CD300E: variants seen among roughly 807,000 people sequenced by gnomAD.
CD300E encodes CD300e molecule.
A neutral mutation model predicts 20.9 loss-of-function variants in CD300E; 14 were observed. The ratio of observed to expected loss-of-function variants is 0.67; its 90% CI spans 0.44 to 1.05. The LOEUF (loss-of-function observed/expected upper bound fraction) is 1.05. CD300E is among the 50% of genes least tolerant of loss of function. The probability of loss-of-function intolerance (pLI) is 0.00; values close to 1 mark genes in which losing one functional copy is unlikely to be tolerated. For synonymous variants in CD300E, 102 were observed against 103.7 expected (o/e 0.98, Z 0.10); for missense variants, 237 against 253.9 (o/e 0.93, Z 0.45).
Position 74,617,115 on chromosome 17 carries a change from T to TA in CD300E, c.388+2dup. The TA allele has an allele frequency of 1.2e-6, 2 of 1,613,008 alleles. No individual in the cohort carries two copies. Among genetic ancestry groups the TA allele is most frequent in the Non-Finnish European group, 1.7e-6 (2 of 1,178,988 alleles). On this transcript the variant is annotated splice_region_variant and intron_variant, in intron 2 of 3. Transcript: ENST00000392619. ...CTGCTGCCAAAGTGAGGGGAGCTCT[T>TA]ACCTGGGGAAACATACACCCTAACC...
chr17:74,609,916 G>A lies in CD300E; in HGVS notation c.*2737C>T, dbSNP rs1414868687. The A allele has an allele frequency of 6.6e-6, 1 of 151,972 alleles. No individual in the cohort carries two copies. Among genetic ancestry groups the A allele is most frequent in the Non-Finnish European group, 1.5e-5 (1 of 67,996 alleles). The allele number at this position is 151,972 out of a possible 1,614,324, so 9.4% of individuals were successfully genotyped here. On this transcript the variant is annotated 3_prime_UTR_variant, in exon 4 of 4. Transcript: ENST00000392619. ...CAATAAAAGTTTATTGAATGAATGA[G>A]TAAATAAAGGGAAAAAAGAAAGGAA...
At chr17:74,613,649 AGGAAGGAGTGG>A (rs1421882072) in intron 3 of CD300E, among the ~76,000 whole-genome samples, 1 of 152,240 alleles carries the variant, frequency 6.6e-6, no homozygotes, top group African/African-American at 2.4e-5. Context: ...GGAAGGAGAC[AGGAAGGAGTGG>A]GGAAGGGAGG....
At chr17:74,622,488 C>T (rs2143375143) in intron 1 of CD300E, among the ~76,000 whole-genome samples, 1 of 152,222 alleles carries the variant, frequency 6.6e-6, no homozygotes, top group African/African-American at 2.4e-5. Context: ...CTTGTCATTA[C>T]ATTGGGCAAT....
At chr17:74,616,688 T>C (rs2030908321) in intron 2 of CD300E, among the ~76,000 whole-genome samples, 1 of 151,540 alleles carries the variant, frequency 6.6e-6, no homozygotes, top group Non-Finnish European at 1.5e-5. Context: ...AGAGAAAGAG[T>C]AGCTTCCACT....
intron 1 of CD300E, among the ~76,000 whole-genome samples, chr17:74,620,462 T>A (rs1000705097): frequency 9.2e-5 from 14 of 151,822 alleles, no homozygotes; most frequent in African/African-American, 3.1e-4. Context: ...AGAGAGAGAC[T>A]CCATTTAAAA....
chr17:74,620,665 T>C (rs1354006059), intron 1 of CD300E, among the ~76,000 whole-genome samples: 1 of 149,426 alleles, frequency 6.7e-6, no homozygotes, highest in African/African-American at 2.5e-5. Flanking sequence ...AAGTCACTTG[T>C]AAAGACTTAT....
At chr17:74,613,871 C>T (rs1056263210) in intron 3 of CD300E, 54 bp downstream of exon 3, 53 of 1,251,366 alleles carry the variant, frequency 4.2e-5, no homozygotes, top group Non-Finnish European at 6.9e-6. Context: ...CCCCACCCCC[C>T]AGCTTCCACC....
At chr17:74,623,377 C>A (rs2031061999) in intron 1 of CD300E, among the ~76,000 whole-genome samples, 1 of 152,216 alleles carries the variant, frequency 6.6e-6, no homozygotes, top group Admixed American at 6.5e-5. Flanking sequence ...CCAGAACAGT[C>A]CTGGCACATA....
Position 74,613,986 on chromosome 17 carries a change from A to C in CD300E, c.436T>G (p.Phe146Val), listed in dbSNP as rs2030844562. 1 of 1,613,930 alleles carries C rather than the reference A, an allele frequency of 6.2e-7. No homozygotes were observed. Among genetic ancestry groups the C allele is most frequent in the South Asian group, 1.1e-5 (1 of 91,072 alleles). The change falls in exon 3 of 4, where the codon TTC becomes GTC. Residue 146 changes from phenylalanine (F) to valine (V), a missense_variant. Transcript: ENST00000392619. ...TTTCGCCCAGGGTTCACCACCAGGA[A>C]GATGGGAGGTGTGGCTGGATGTGTG... ...RTTHPATPPI[F>V]LVVNPGRNLS...
intron 3 of CD300E, among the ~76,000 whole-genome samples, 184 bp from the exon 4 acceptor site, chr17:74,612,957 GC>G (rs2030817228): frequency 2.0e-5 from 3 of 152,334 alleles, no homozygotes; most frequent in African/African-American, 7.2e-5. Flanking sequence ...ATCAAGGACT[GC>G]CCGGGGGGTC....
In CD300E at chr17:74,617,338, C is replaced by A; in HGVS notation, c.168G>T (p.Thr56=). ...TGGTCTCCACAATGCTCTCACATGACGTGTCGTACTGTCCTCGGCACCAGT... is the reference window on the plus strand; with the variant it reads ...TGGTCTCCACAATGCTCTCACATGAAGTGTCGTACTGTCCTCGGCACCAGT... ...NKYWCRGQYD[T]SCESIVETKG... Residue 56 remains threonine (T), a synonymous_variant, in exon 2 of 4, where the codon ACG becomes ACT. Transcript: ENST00000392619. 1 of 1,614,208 alleles carries A rather than the reference C, an allele frequency of 6.2e-7. No homozygotes were observed. Among genetic ancestry groups the A allele is most frequent in the Non-Finnish European group, 8.5e-7 (1 of 1,180,048 alleles).
At chr17:74,614,567 C>G (rs1333424421) in intron 2 of CD300E, among the ~76,000 whole-genome samples, 1 of 151,598 alleles carries the variant, frequency 6.6e-6, no homozygotes, top group African/African-American at 2.4e-5. Flanking sequence ...ACCACAACCT[C>G]CACCTCCCGG....
In CD300E at chr17:74,611,533, G is replaced by A. The variant is rs755106827; in HGVS notation, c.*1120C>T. 6.6e-6 allele frequency: 1 copy of A among 152,294 alleles called. No individual in the cohort carries two copies. The highest frequency in any genetic ancestry group is 1.5e-5 in the Non-Finnish European group (1 of 68,070). The allele number at this position is 152,294 out of a possible 1,614,324, so 9.4% of individuals were successfully genotyped here. ...AACTGAGCTCATTCCCGAGCCAGGG[G>A]TCACCAGTAGTGGTGATAGCACTGT... is the stretch of plus-strand genomic sequence containing the variant. On this transcript the variant is annotated 3_prime_UTR_variant, in exon 4 of 4. Coordinates refer to ENST00000392619, the MANE Select transcript of CD300E (RefSeq NM_181449.3).
rs747167998 is a variant in CD300E, at chr17:74,617,449, C to T, written c.57G>A (p.Lys19=). ...CAGTGCCAGTCACAGAGCCGGGGCC[C>T]TTCAGAGACAAACAGCCTGGAAAAC... is the stretch of plus-strand genomic sequence containing the variant. ...LLCLSGCLSL[K]GPGSVTGTAG... The change falls in exon 2 of 4, where the codon AAG becomes AAA. Residue 19 remains lysine, a synonymous_variant. Coordinates refer to ENST00000392619, the MANE Select transcript of CD300E (RefSeq NM_181449.3). 5.8e-5 allele frequency: 94 copies of T among 1,613,038 alleles called. No homozygotes were observed. The highest frequency in any genetic ancestry group is 7.6e-5 in the Non-Finnish European group (90 of 1,179,724).
At chr17:74,620,002 A>G (rs1437842298) in intron 1 of CD300E, among the ~76,000 whole-genome samples, 1 of 152,224 alleles carries the variant, frequency 6.6e-6, no homozygotes, top group Non-Finnish European at 1.5e-5. Context: ...AATGAAACCA[A>G]TTCAAATTAA....
At position 74,617,244 on chromosome 17, in the gene CD300E, T is replaced by C. The variant is rs111249225; in HGVS notation, c.262A>G (p.Thr88Ala). 1.2e-6 allele frequency: 2 copies of C among 1,614,228 alleles called. No homozygotes were observed. Among genetic ancestry groups the C allele is most frequent in the East Asian group, 4.5e-5 (2 of 44,878 alleles). ...TCATTGAGGTTCTGCATGGTCACAG[T>C]GAAGGCGAGAGCCTCCGGGTGGTCT... ...IRDHPEALAF[T>A]VTMQNLNEDD... The change falls in exon 2 of 4, where the codon ACT becomes GCT. Residue 88 changes from threonine to alanine, a missense_variant. Coordinates refer to ENST00000392619, the MANE Select transcript of CD300E (RefSeq NM_181449.3).
intron 2 of CD300E, among the ~76,000 whole-genome samples, chr17:74,615,573 T>G (rs521750): frequency 2.6e-5 from 4 of 151,980 alleles, no homozygotes; most frequent in Admixed American, 6.6e-5. Flanking sequence ...TCTCACTTTT[T>G]TTCCCCAGCA....
chr17:74,614,346 G>T (rs960758850), intron 2 of CD300E, among the ~76,000 whole-genome samples: 1 of 152,092 alleles, frequency 6.6e-6, no homozygotes, highest in Non-Finnish European at 1.5e-5. Flanking sequence ...CTGGGCTTCC[G>T]CAGCCAGATG....
Position 74,613,994 on chromosome 17 carries a change from G to T in CD300E, c.428C>A (p.Pro143His). The T allele has an allele frequency of 6.2e-7, 1 of 1,614,076 alleles. No individual in the cohort carries two copies. ...AGGGTTCACCACCAGGAAGATGGGA[G>T]GTGTGGCTGGATGTGTGGTCCTCCT... ...TPRRTTHPATPPIFLVVNPGR... is the reference protein window; with the variant it reads ...TPRRTTHPATHPIFLVVNPGR... Residue 143 changes from proline to histidine, a missense_variant, in exon 3 of 4, where the codon CCT becomes CAT. Transcript: ENST00000392619.
Sources: allele counts gnomAD v4.1 joint callset (sites outside exome capture counted in the v4.1 genomes callset), GRCh38; gene constraint gnomAD v4.1.1; transcripts MANE v1.5; gene names NCBI Gene and HGNC (gene_info 2026-07-23, HGNC 2026-07-21).